The following HIVEP2 variants were observed in gnomAD, a reference collection of about 807,000 sequenced individuals.
HIVEP2 encodes transcription factor HIVEP2.
Under a neutral mutation model 180.7 loss-of-function variants are expected in HIVEP2, and 14 were observed. That is an observed-to-expected ratio of 0.08 (90% CI 0.05 to 0.12). The LOEUF is 0.12. Among genes scored for constraint, HIVEP2 ranks in the 10% least tolerant of loss-of-function variants. The probability of loss-of-function intolerance (pLI) is 1.00; values close to 1 mark genes in which losing one functional copy is unlikely to be tolerated. For missense variants in HIVEP2, 2,579 were observed against 3,008.5 expected (o/e 0.86, Z 3.34); for synonymous variants, 1,184 against 1,136.4 (o/e 1.04, Z -0.84).
chr6:142,810,055 T>C (rs1776651754), intron 2 of HIVEP2, among the ~76,000 whole-genome samples: 2 of 152,172 alleles, frequency 1.3e-5, no homozygotes, highest in Non-Finnish European at 1.5e-5. Context: ...TTTGTTCTCT[T>C]GAATAAGTCA....
chr6:142,911,649 C>G (rs571018786), intron 1 of HIVEP2, among the ~76,000 whole-genome samples: 7 of 152,292 alleles, frequency 4.6e-5, no homozygotes, highest in African/African-American at 1.2e-4. Flanking sequence ...CTTTGCTCAG[C>G]CTGACACTGC....
intron 2 of HIVEP2, among the ~76,000 whole-genome samples, chr6:142,834,287 C>G (rs76355022): frequency 6.6e-6 from 1 of 152,094 alleles, no homozygotes; most frequent in Non-Finnish European, 1.5e-5. Context: ...ATAGCAATTT[C>G]CACAGAACAC....
intron 2 of HIVEP2, among the ~76,000 whole-genome samples, chr6:142,816,162 T>C (rs1776828622): frequency 6.6e-6 from 1 of 152,110 alleles, no homozygotes; most frequent in Non-Finnish European, 1.5e-5. Flanking sequence ...ATGAAACAAA[T>C]ATTTATGCAG....
chr6:142,784,387 A>G (rs915910942), intron 2 of HIVEP2, among the ~76,000 whole-genome samples: 1 of 152,202 alleles, frequency 6.6e-6, no homozygotes, highest in Admixed American at 6.5e-5. Context: ...CATAACAGTT[A>G]AAGTGTGCTT....
chr6:142,909,551 A>G (rs1046229813), intron 1 of HIVEP2, among the ~76,000 whole-genome samples: 1 of 152,196 alleles, frequency 6.6e-6, no homozygotes, highest in African/African-American at 2.4e-5. Context: ...GGCTTTATAC[A>G]CCAACATTTT....
rs190818377 is a variant in HIVEP2 at position 142,925,947 on chromosome 6, A to G, written c.-641+19152T>C. Among the ~76,000 whole-genome samples, 4 of 152,346 alleles carry G rather than the reference A, an allele frequency of 2.6e-5. No individual in the cohort carries two copies. In the East Asian group the frequency reaches 7.7e-4, roughly 29 times the overall value. Reference sequence around the variant, plus strand: ...TCCAAAAGAACAATCTACCATTACAAAGCCTATTCATGAGTCAACCAGGGA... The same window carrying G: ...TCCAAAAGAACAATCTACCATTACAGAGCCTATTCATGAGTCAACCAGGGA... On this transcript the variant is annotated intron_variant, in intron 1 of 9. Coordinates refer to ENST00000367603, the MANE Select transcript of HIVEP2 (RefSeq NM_006734.4).
chr6:142,923,343 A>G (rs1777728598), intron 1 of HIVEP2, among the ~76,000 whole-genome samples: 1 of 152,150 alleles, frequency 6.6e-6, no homozygotes, highest in African/African-American at 2.4e-5. Context: ...AAAAAAAAAA[A>G]TCATAGTTAA....
Position 142,752,168 on chromosome 6 carries a change from A to G in HIVEP2, c.*939T>C, listed in dbSNP as rs1019045383. The G allele has an allele frequency of 6.6e-6, 1 of 152,660 alleles. No homozygotes were observed. The highest frequency in any genetic ancestry group is 1.5e-5 in the Non-Finnish European group (1 of 68,038). 9.5% of individuals were successfully genotyped at this position (152,660 alleles called of 1,614,324 possible). Reference sequence around the variant, plus strand: ...AACCTAGTGTCCAACTGAGTTACATAAAATTGTACCAGTGATGCACTTGTA... The same window carrying G: ...AACCTAGTGTCCAACTGAGTTACATGAAATTGTACCAGTGATGCACTTGTA... On this transcript the variant is annotated 3_prime_UTR_variant, in exon 10 of 10. Transcript: ENST00000367603.
intron 1 of HIVEP2, among the ~76,000 whole-genome samples, chr6:142,903,505 GTA>G (rs1777183740): frequency 6.6e-6 from 1 of 152,206 alleles, no homozygotes; most frequent in African/African-American, 2.4e-5. Context: ...TAATTGCTAT[GTA>G]TTGAAGAATC....
chr6:142,829,899 C>T (rs1775031256), intron 2 of HIVEP2, among the ~76,000 whole-genome samples: 1 of 152,198 alleles, frequency 6.6e-6, no homozygotes, highest in African/African-American at 2.4e-5. Context: ...CTTTTTATGG[C>T]TCAAGATCTA....
At chr6:142,858,278 C>G (rs1442139194) in intron 1 of HIVEP2, among the ~76,000 whole-genome samples, 1 of 152,094 alleles carries the variant, frequency 6.6e-6, no homozygotes, top group Non-Finnish European at 1.5e-5. Context: ...CTCCTGGTGC[C>G]TGACCCCCTC....
intron 1 of HIVEP2, among the ~76,000 whole-genome samples, chr6:142,853,903 G>T (rs1775753088): frequency 6.6e-6 from 1 of 152,160 alleles, no homozygotes; most frequent in Non-Finnish European, 1.5e-5. Context: ...TGAAAAGGGA[G>T]TGTCCTAGAA....
intron 1 of HIVEP2, among the ~76,000 whole-genome samples, chr6:142,859,655 G>A (rs1456483790): frequency 2.6e-5 from 4 of 151,648 alleles, no homozygotes; most frequent in Non-Finnish European, 4.4e-5. Context: ...CTAACATGGC[G>A]AAACACTGTC....
intron 1 of HIVEP2, among the ~76,000 whole-genome samples, chr6:142,909,263 G>A: frequency 6.6e-6 from 1 of 151,916 alleles, no homozygotes; most frequent in South Asian, 2.1e-4. Flanking sequence ...GCTTCAAATT[G>A]GTATACACAG....
intron 2 of HIVEP2, among the ~76,000 whole-genome samples, chr6:142,808,587 T>A (rs138161679): frequency 3.3e-4 from 47 of 144,038 alleles, no homozygotes; most frequent in Middle Eastern, 3.7e-3. Context: ...GATGGACGGA[T>A]GGATAGATGG....
intron 1 of HIVEP2, among the ~76,000 whole-genome samples, chr6:142,910,719 A>C (rs1040450058): frequency 1.3e-5 from 2 of 152,240 alleles, no homozygotes; most frequent in Admixed American, 1.3e-4. Context: ...AGTCCATAGA[A>C]ATGGTATCTT....
Position 142,927,081 on chromosome 6 carries a change from G to A in HIVEP2, c.-641+18018C>T, listed in dbSNP as rs377726623. Among the ~76,000 whole-genome samples, 83 of 151,832 alleles carry A rather than the reference G, an allele frequency of 5.5e-4. No individual in the cohort carries two copies. The South Asian group carries it at 0.016, about 30-fold the overall frequency. ...GCTCCCGGCGCCTCCGTCCCCGGCC[G>A]GCCCAGCGCTGCTACCGGAGGCCAG... is the stretch of plus-strand genomic sequence containing the variant. On this transcript the variant is annotated intron_variant, in intron 1 of 9. Coordinates refer to ENST00000367603, the MANE Select transcript of HIVEP2 (RefSeq NM_006734.4).
intron 1 of HIVEP2, among the ~76,000 whole-genome samples, chr6:142,865,264 G>A (rs1776110218): frequency 6.6e-6 from 1 of 151,926 alleles, no homozygotes; most frequent in Non-Finnish European, 1.5e-5. Flanking sequence ...GTTTTCTATT[G>A]TGCTTCTAAT....
intron 1 of HIVEP2, among the ~76,000 whole-genome samples, chr6:142,909,819 A>C (rs952687528): frequency 1.7e-4 from 26 of 152,308 alleles, no homozygotes; most frequent in African/African-American, 6.3e-4. Context: ...AAGATCAAAA[A>C]ATAGCTACTG....
Sources: gnomAD v4.1 joint callset for allele counts (sites outside exome capture counted in the v4.1 genomes callset) on GRCh38, gnomAD v4.1.1 for gene constraint, MANE v1.5 for transcripts, NCBI Gene and HGNC (gene_info 2026-07-23, HGNC 2026-07-21) for gene names.